The following MBOAT1 variants were observed in gnomAD, a reference collection of about 807,000 sequenced individuals.
MBOAT1 encodes membrane bound glycerophospholipid O-acyltransferase 1, also known as membrane-bound glycerophospholipid O-acyltransferase 1.
MBOAT1 carries 67 observed loss-of-function variants against 64.4 expected under a neutral mutation model. The ratio of observed to expected loss-of-function variants is 1.04; its 90% CI spans 0.85 to 1.27. MBOAT1 has a LOEUF of 1.27. Ranked by LOEUF, MBOAT1 falls within the 50% of genes most tolerant of loss-of-function variation. The pLI is 0.00. For missense variants in MBOAT1, 563 were observed against 604.6 expected, an observed-to-expected ratio of 0.93 and a Z score of 0.72; for synonymous variants, 229 against 218.9, an observed-to-expected ratio of 1.05 and a Z score of -0.41.
chr6:20,204,190 G>A (rs560533960), intron 1 of MBOAT1, among the ~76,000 whole-genome samples: 1 of 152,268 alleles, frequency 6.6e-6, no homozygotes, highest in African/African-American at 2.4e-5. Flanking sequence ...TGCTTCTAAA[G>A]TAGCTGCTCC....
intron 4 of MBOAT1, among the ~76,000 whole-genome samples, chr6:20,139,746 G>A (rs1317354674): frequency 1.3e-5 from 2 of 150,344 alleles, no homozygotes; most frequent in Non-Finnish European, 1.5e-5. Context: ...GTAAAGATGG[G>A]GTCTCACTAT....
chr6:20,150,320 G>A (rs73384438), intron 3 of MBOAT1, among the ~76,000 whole-genome samples: 17 of 151,862 alleles, frequency 1.1e-4, no homozygotes, highest in African/African-American at 3.4e-4. Context: ...CCCAGAAAAC[G>A]ATCACCAGAT....
chr6:20,160,636 TCAAGTTAAA>T lies in MBOAT1; in HGVS notation c.100-7876_100-7868del, dbSNP rs574651292. 2.9e-3 allele frequency among the ~76,000 whole-genome samples: 442 copies of T among 152,220 alleles called. 2 individuals carry two copies. Among genetic ancestry groups the T allele is most frequent in the African/African-American group, 0.01 (425 of 41,520 alleles). Reference sequence around the variant, plus strand: ...CTTACACGCTCCAAGGCAAAACCAATCAAGTTAAACAATTCCTTATTTAATGGCAGCCAT... The same window carrying T: ...CTTACACGCTCCAAGGCAAAACCAATCAATTCCTTATTTAATGGCAGCCAT... On this transcript the variant is annotated intron_variant, in intron 1 of 12. Coordinates refer to ENST00000324607, the MANE Select transcript of MBOAT1 (RefSeq NM_001080480.3).
intron 1 of MBOAT1, among the ~76,000 whole-genome samples, chr6:20,183,318 T>A (rs772524980): frequency 9.9e-5 from 15 of 152,204 alleles, no homozygotes; most frequent in Non-Finnish European, 1.5e-4. Context: ...TGTGAGGATA[T>A]CCCCAGCCCT....
At chr6:20,182,488 A>T (rs1762538678) in intron 1 of MBOAT1, among the ~76,000 whole-genome samples, 1 of 152,208 alleles carries the variant, frequency 6.6e-6, no homozygotes, top group Non-Finnish European at 1.5e-5. Flanking sequence ...ATACATAATT[A>T]AGGACCTCTC....
chr6:20,136,497 C>T (rs184108124), intron 4 of MBOAT1, among the ~76,000 whole-genome samples: 175 of 152,280 alleles, frequency 1.1e-3, no homozygotes, highest in African/African-American at 4.1e-3. Flanking sequence ...AATCTCTTTG[C>T]AAATATCCTC....
At chr6:20,152,827 GTTTGTTTTGT>G (rs113824810) in intron 1 of MBOAT1, 58 bp from the exon 2 acceptor site, 4 of 1,479,502 alleles carry the variant, frequency 2.7e-6, no homozygotes, top group Non-Finnish European at 2.7e-6. Context: ...TGGTTTTTTT[GTTTGTTTTGT>G]TTTGTTTTGT....
At chr6:20,211,821 A>G (rs1360460036) in intron 1 of MBOAT1, among the ~76,000 whole-genome samples, 1 of 152,222 alleles carries the variant, frequency 6.6e-6, no homozygotes, top group Non-Finnish European at 1.5e-5. Context: ...GGTTTCATGT[A>G]TCAGACTACT....
At chr6:20,109,467 G>A (rs1179802246) in intron 12 of MBOAT1, 131 bp downstream of exon 12, 1 of 1,130,530 alleles carries the variant, frequency 8.8e-7, no homozygotes. Context: ...AAGCTTCTAT[G>A]GACACTTCCC....
chr6:20,170,100 C>G (rs1352355939), intron 1 of MBOAT1, among the ~76,000 whole-genome samples: 3 of 152,186 alleles, frequency 2.0e-5, no homozygotes. Context: ...TTATCCCTCT[C>G]CTTTGAGGGC....
intron 1 of MBOAT1, among the ~76,000 whole-genome samples, chr6:20,206,703 T>C (rs750552095): frequency 1.3e-5 from 2 of 152,072 alleles, no homozygotes; most frequent in African/African-American, 4.8e-5. Flanking sequence ...CATAGTCTTC[T>C]CCACCGCAAC....
intron 1 of MBOAT1, 102 bp from the exon 2 acceptor site, chr6:20,152,871 C>A: frequency 7.5e-7 from 1 of 1,335,030 alleles, no homozygotes; most frequent in South Asian, 1.5e-5. Flanking sequence ...CTCGTTCTGT[C>A]GCCCAGGCTG....
At position 20,137,743 on chromosome 6, in the gene MBOAT1, C is replaced by T. The variant is rs571029289; in HGVS notation, c.419+6477G>A. Among the ~76,000 whole-genome samples, 140 of 147,908 alleles carry T rather than the reference C, an allele frequency of 9.5e-4. 2 individuals are homozygous for T. The highest frequency in any genetic ancestry group is 8.9e-4 in the Non-Finnish European group (59 of 66,514). Reference sequence around the variant, plus strand: ...ACACACACACACACACACACACACACGTTGTTTAACACAAACACTAACCTC... The same window carrying T: ...ACACACACACACACACACACACACATGTTGTTTAACACAAACACTAACCTC... On this transcript the variant is annotated intron_variant, in intron 4 of 12. Coordinates refer to ENST00000324607, the MANE Select transcript of MBOAT1 (RefSeq NM_001080480.3).
intron 1 of MBOAT1, among the ~76,000 whole-genome samples, chr6:20,189,399 T>C (rs1762741893): frequency 6.6e-6 from 1 of 152,130 alleles, no homozygotes; most frequent in Non-Finnish European, 1.5e-5. Context: ...TCTAAGTAAT[T>C]TTTTTTAAGA....
rs1759768381 is a variant in MBOAT1, at chr6:20,100,882, A to G, written c.*1404T>C. On this transcript the variant is annotated 3_prime_UTR_variant, in exon 13 of 13. Transcript: ENST00000324607. ...ATTTAATACCAAGTTTCCTTCTCTC[A>G]CATAGAATATTACCCAATAGAAGTC... 6.6e-6 allele frequency among the ~76,000 whole-genome samples: 1 copy of G among 152,198 alleles called. No individual in the cohort carries two copies. Among genetic ancestry groups the G allele is most frequent in the Non-Finnish European group, 1.5e-5 (1 of 68,036 alleles).
chr6:20,201,772 G>T (rs920282643), intron 1 of MBOAT1, among the ~76,000 whole-genome samples: 1 of 151,922 alleles, frequency 6.6e-6, no homozygotes, highest in South Asian at 2.1e-4. Context: ...GTAGAGATGG[G>T]GGTTTCACCA....
chr6:20,197,427 G>T (rs1762988987), intron 1 of MBOAT1, among the ~76,000 whole-genome samples: 1 of 152,132 alleles, frequency 6.6e-6, no homozygotes, highest in Non-Finnish European at 1.5e-5. Context: ...AGGACAGGCA[G>T]AACTCAAAGC....
chr6:20,200,567 C>T (rs973649201), intron 1 of MBOAT1, among the ~76,000 whole-genome samples: 4 of 152,168 alleles, frequency 2.6e-5, no homozygotes, highest in East Asian at 1.9e-4. Context: ...ATGTCCCTTA[C>T]GTCCATGTCC....
intron 1 of MBOAT1, among the ~76,000 whole-genome samples, chr6:20,153,967 A>T (rs1761603540): frequency 6.6e-6 from 1 of 152,254 alleles, no homozygotes; most frequent in African/African-American, 2.4e-5. Context: ...TCTTCAAAGT[A>T]TTCAAAACTG....
Sources: allele counts gnomAD v4.1 joint callset (sites outside exome capture counted in the v4.1 genomes callset), GRCh38; gene constraint gnomAD v4.1.1; transcripts MANE v1.5; gene names NCBI Gene and HGNC (gene_info 2026-07-23, HGNC 2026-07-21).